CFAP65: variants seen among roughly 807,000 people sequenced by gnomAD.
CFAP65 encodes the protein cilia- and flagella-associated protein 65.
Under a neutral mutation model 208.0 loss-of-function variants are expected in CFAP65, and 155 were observed. That is an observed-to-expected ratio of 0.75 (90% CI 0.65 to 0.85). CFAP65 has a LOEUF of 0.85. Ranked by LOEUF, CFAP65 falls within the 40% of genes least tolerant of loss-of-function variation. CFAP65 has a pLI of 0.00. For missense variants in CFAP65, 2,294 were observed against 2,451.3 expected (o/e 0.94, Z 1.36); for synonymous variants, 970 against 986.3 (o/e 0.98, Z 0.31).
chr2:219,018,715 G>T, intron 21 of CFAP65: 1 of 294,068 alleles, frequency 3.4e-6, no homozygotes, highest in South Asian at 4.5e-5. Context: ...CCACAGGATT[G>T]GAGGAGAAAA....
At chr2:219,017,813 C>A (rs1196595476) in intron 21 of CFAP65, among the ~76,000 whole-genome samples, 5 of 152,348 alleles carry the variant, frequency 3.3e-5, no homozygotes, top group African/African-American at 1.2e-4. Flanking sequence ...TGGCTCCGGG[C>A]CCACTCAAAG....
intron 19 of CFAP65, among the ~76,000 whole-genome samples, chr2:219,020,517 A>G (rs187198535): frequency 3.2e-4 from 48 of 152,258 alleles, no homozygotes; most frequent in African/African-American, 1.2e-3. Context: ...AGTAGCTAGG[A>G]CTACAGGTGC....
In CFAP65 at chr2:219,004,649, A is replaced by G. The variant is rs542677205; in HGVS notation, c.5052-194T>C. ...GCCTCATGGATTTTTAGAAGCGAAC[A>G]TGGTATGCTGGAGGCAGGGCAGGTC... On this transcript the variant is annotated intron_variant, in intron 32 of 34. Transcript: ENST00000341552. This position sits in a 1 kb window ranked among gnomAD's most constrained non-coding sequence, Gnocchi z 4.7. 3.3e-5 allele frequency among the ~76,000 whole-genome samples: 5 copies of G among 152,302 alleles called. No individual in the cohort carries two copies. Among genetic ancestry groups the G allele is most frequent in the Admixed American group, 6.5e-5 (1 of 15,298 alleles).
At chr2:219,018,807 C>G in intron 21 of CFAP65, 1 of 549,132 alleles carries the variant, frequency 1.8e-6, no homozygotes, top group Non-Finnish European at 3.3e-6. Flanking sequence ...GCCACTATGC[C>G]CAGGCTCCAT....
intron 32 of CFAP65, among the ~76,000 whole-genome samples, chr2:219,005,097 T>G (rs547912771): frequency 3.0e-4 from 46 of 152,078 alleles, no homozygotes; most frequent in Non-Finnish European, 5.3e-4. Context: ...CCTCAACCTC[T>G]CAGTTAATTA....
At position 219,023,268 on chromosome 2, in the gene CFAP65, T is replaced by C. The variant is rs1197826365; in HGVS notation, c.2759A>G (p.Gln920Arg). The C allele has an allele frequency of 1.9e-6, 3 of 1,613,196 alleles. No homozygotes were observed. The highest frequency in any genetic ancestry group is 2.2e-5 in the South Asian group (2 of 90,882). Reference sequence around the variant, plus strand: ...CTGGACAGCCAGCAGCTTTCGATGCTGCTCAGAGACCCTCCACTCGAACTG... The same window carrying C: ...CTGGACAGCCAGCAGCTTTCGATGCCGCTCAGAGACCCTCCACTCGAACTG... ...PLQFEWRVSE[Q>R]HRKLLAVQPS... is the part of the protein sequence containing the mutation. Residue 920 changes from glutamine (Q) to arginine (R), a missense_variant, in exon 16 of 35, where the codon CAG (glutamine) becomes CGG (arginine). Gln to Arg is a conservative substitution (Grantham distance 43, BLOSUM62 1). Coordinates refer to ENST00000341552, the MANE Select transcript of CFAP65 (RefSeq NM_194302.4).
chr2:219,006,935 C>T (rs1399588406), intron 29 of CFAP65, among the ~76,000 whole-genome samples: 1 of 151,836 alleles, frequency 6.6e-6, no homozygotes, highest in Non-Finnish European at 1.5e-5. Flanking sequence ...TCACATTTTC[C>T]TCTAGAACCT....
intron 3 of CFAP65, 37 bp from the exon 4 acceptor site, chr2:219,038,615 A>C (rs1377876383): frequency 6.4e-7 from 1 of 1,572,000 alleles, no homozygotes. Flanking sequence ...GACAGGAGTG[A>C]CATGAGAAAG....
At chr2:219,023,132 TG>T in intron 16 of CFAP65, 74 bp downstream of exon 16, 1 of 1,306,128 alleles carries the variant, frequency 7.7e-7, no homozygotes, top group South Asian at 1.3e-5. Context: ...ATGGCAAGTC[TG>T]GGCTATGATA....
chr2:219,012,244 T>C (rs1946538917), intron 24 of CFAP65, among the ~76,000 whole-genome samples: 1 of 152,250 alleles, frequency 6.6e-6, no homozygotes, highest in Non-Finnish European at 1.5e-5. Context: ...GTGTCCACCT[T>C]CTACCTGACA....
In CFAP65 at chr2:219,004,778, G is replaced by T. The variant is rs1023971271; in HGVS notation, c.5052-323C>A. Among the ~76,000 whole-genome samples, 41 of 133,564 alleles carry T rather than the reference G, an allele frequency of 3.1e-4. No homozygotes were observed. The highest frequency in any genetic ancestry group is 1.0e-3 in the African/African-American group (38 of 37,410). The allele number at this position is 133,564 out of a possible 152,430, so 87.6% of individuals were successfully genotyped here. A position where few individuals can be genotyped will look rare whatever the true frequency, so the allele number is the denominator to read the frequency against. On this transcript the variant is annotated intron_variant, in intron 32 of 34. Coordinates refer to ENST00000341552, the MANE Select transcript of CFAP65 (RefSeq NM_194302.4). This position sits in a 1 kb window ranked among gnomAD's most constrained non-coding sequence, Gnocchi z 4.7. ...GGCAGAACTCAGGATCCAGACCTGA[G>T]AATCCCTCCAGCCAGCTCCATCAGA...
Position 219,013,259 on chromosome 2 carries a change from C to T in CFAP65, c.3957G>A (p.Gln1319=). ...IPIGDTLPPR[Q]IYELYNGGSV... is the part of the protein sequence containing the mutation. ...CAACAGGACAATGTGGACCACTGAC[C>T]TGCCGTGGGGGTAGCGTGTCACCAA... Residue 1319 remains glutamine (Q), a splice_region_variant and synonymous_variant, in exon 24 of 35, where the codon CAG becomes CAA. Transcript: ENST00000341552. 1 of 1,608,226 alleles carries T rather than the reference C, an allele frequency of 6.2e-7. No individual in the cohort carries two copies. Among genetic ancestry groups the T allele is most frequent in the Non-Finnish European group, 8.5e-7 (1 of 1,175,188 alleles).
intron 24 of CFAP65, among the ~76,000 whole-genome samples, chr2:219,012,952 A>G (rs1466160328): frequency 6.6e-6 from 1 of 152,238 alleles, no homozygotes; most frequent in African/African-American, 2.4e-5. Flanking sequence ...AAGCATATAT[A>G]ACATCAAATA....
chr2:219,018,173 C>G (rs1410729469), intron 21 of CFAP65: 1 of 152,266 alleles, frequency 6.6e-6, no homozygotes, highest in African/African-American at 2.4e-5. Context: ...ACTGCCATGC[C>G]CTGGCCAGAC....
In CFAP65 at chr2:219,038,577, A is replaced by C; in HGVS notation, c.155T>G (p.Leu52Arg). ...TCCAAAGGGAGCACTCTGAGTATGG[A>C]GCTGGGAAGAGAGCAGAGGGGAGAG... is the stretch of plus-strand genomic sequence containing the variant. ...KQAESKSQIK[L>R]HTQSAPFGLC... Residue 52 changes from leucine to arginine, a missense_variant and splice_region_variant, in exon 4 of 35, where the codon CTC becomes CGC. Around this residue, in one of 2 missense-constraint regions of CFAP65, gnomAD observed 867 missense variants for 1,012.6 expected, o/e 0.86. Coordinates refer to ENST00000341552, the MANE Select transcript of CFAP65 (RefSeq NM_194302.4). 6.2e-7 allele frequency: 1 copy of C among 1,613,024 alleles called. No homozygotes were observed. The highest frequency in any genetic ancestry group is 8.5e-7 in the Non-Finnish European group (1 of 1,179,336).
Position 219,035,677 on chromosome 2 carries a change from CA to C in CFAP65, c.358-14del, listed in dbSNP as rs1055629475. ...TGGAGCTTGCGGGCTGTTCAGGTGG[CA>C]GGGAGAAGGGGGAGCAGAAAGGATG... On this transcript the variant is annotated splice_polypyrimidine_tract_variant and intron_variant, in intron 4 of 34. Coordinates refer to ENST00000341552, the MANE Select transcript of CFAP65 (RefSeq NM_194302.4). 7 of 1,603,240 alleles carry C rather than the reference CA, an allele frequency of 4.4e-6. No homozygotes were observed. Among genetic ancestry groups the C allele is most frequent in the Non-Finnish European group, 6.0e-6 (7 of 1,173,514 alleles).
chr2:219,041,305 C>T (rs752496788), intron 1 of CFAP65, 183 bp downstream of exon 1: 2 of 541,078 alleles, frequency 3.7e-6, no homozygotes, highest in Non-Finnish European at 6.5e-6. Flanking sequence ...TCTTTCTCTT[C>T]GGGATCCTTA....
At chr2:219,029,779 C>T (rs1317552882) in intron 10 of CFAP65, 111 bp from the exon 11 acceptor site, 2 of 1,352,572 alleles carry the variant, frequency 1.5e-6, no homozygotes, top group Non-Finnish European at 2.0e-6. Flanking sequence ...CCCTGGCAGC[C>T]TGAGCAGAAC....
Position 219,040,524 on chromosome 2 carries a change from A to G in CFAP65, c.-8T>C, listed in dbSNP as rs1276201651. ...AAGGCAGGCAAGGCTCCTACCTCCA[A>G]TTGTGAACTGGACGTTCAGATGAAA... On this transcript the variant is annotated 5_prime_UTR_variant, in exon 2 of 35. Transcript: ENST00000341552. The G allele has an allele frequency of 4.1e-5, 61 of 1,490,430 alleles. No homozygotes were observed. Among genetic ancestry groups the G allele is most frequent in the Non-Finnish European group, 5.2e-5 (57 of 1,091,550 alleles). 92.3% of individuals were successfully genotyped at this position (1,490,430 alleles called of 1,614,324 possible).
Sources: allele counts gnomAD v4.1 joint callset (sites outside exome capture counted in the v4.1 genomes callset), GRCh38; gene constraint gnomAD v4.1.1; regional missense constraint gnomAD v4.1.1; non-coding constraint Gnocchi (gnomAD v3.1); transcripts MANE v1.5; gene names NCBI Gene and HGNC (gene_info 2026-07-23, HGNC 2026-07-21).